The following ADGRV1 variants were observed in gnomAD, a reference collection of about 807,000 sequenced individuals.
ADGRV1 encodes adhesion G protein-coupled receptor V1, also known as G-protein coupled receptor 98.
In ADGRV1, 359 loss-of-function variants were observed where a neutral mutation model predicts 596.2. That is an observed-to-expected ratio of 0.60 (90% CI 0.55 to 0.66). ADGRV1 has a LOEUF of 0.66. ADGRV1 is among the 30% of genes least tolerant of loss of function. The probability of loss-of-function intolerance (pLI) is 0.00; values close to 1 mark genes in which losing one functional copy is unlikely to be tolerated. For missense variants in ADGRV1, 7,274 were observed against 7,575.6 expected (o/e 0.96, Z 1.48); for synonymous variants, 2,681 against 2,679.2 (o/e 1.00, Z -0.02).
intron 20 of ADGRV1, among the ~76,000 whole-genome samples, chr5:90,657,077 G>A (rs1739521983): frequency 6.6e-6 from 1 of 151,834 alleles, no homozygotes; most frequent in South Asian, 2.1e-4. Flanking sequence ...AACATATCAA[G>A]CCTTGAAGTT....
chr5:91,142,057 A>G (rs1795143737), intron 87 of ADGRV1, among the ~76,000 whole-genome samples: 1 of 152,238 alleles, frequency 6.6e-6, no homozygotes. Flanking sequence ...ATGTTGCAAC[A>G]GAAAGACTAA....
rs1248475462 is a variant in ADGRV1 at position 90,732,846 on chromosome 5, C to T, written c.10549+3082C>T. Among the ~76,000 whole-genome samples the T allele has an allele frequency of 2.0e-5, 3 of 152,186 alleles. No individual in the cohort carries two copies. The East Asian group carries it at 5.8e-4, about 29-fold the overall frequency. On this transcript the variant is annotated intron_variant, in intron 50 of 89. Transcript: ENST00000405460. ...AAAAACAGCATTATTATGAAAACAG[C>T]ATTATTTTCATTTTATTATGCAAAC...
chr5:91,031,854 A>C (rs990552865), intron 85 of ADGRV1, among the ~76,000 whole-genome samples: 1 of 152,246 alleles, frequency 6.6e-6, no homozygotes, highest in Admixed American at 6.5e-5. Flanking sequence ...CTTTTTAAAA[A>C]GTAAAGAGTA....
intron 27 of ADGRV1, 31 bp downstream of exon 27, chr5:90,681,485 C>T (rs770071772): frequency 5.7e-6 from 9 of 1,587,344 alleles, no homozygotes; most frequent in Middle Eastern, 1.7e-4. Context: ...CATTCCTAGA[C>T]ACTTTCTGTT....
chr5:90,815,191 T>A (rs1356298446), intron 74 of ADGRV1, among the ~76,000 whole-genome samples: 1 of 152,170 alleles, frequency 6.6e-6, no homozygotes, highest in Non-Finnish European at 1.5e-5. Context: ...TGACAAGTAT[T>A]TATTCAACAC....
intron 70 of ADGRV1, among the ~76,000 whole-genome samples, chr5:90,799,654 C>A (rs1230597886): frequency 6.6e-6 from 1 of 152,170 alleles, no homozygotes; most frequent in Non-Finnish European, 1.5e-5. Flanking sequence ...AAGCTGGAGG[C>A]ATCACACTAC....
intron 87 of ADGRV1, among the ~76,000 whole-genome samples, chr5:91,134,557 A>G (rs983559656): frequency 6.6e-6 from 1 of 152,198 alleles, no homozygotes; most frequent in Non-Finnish European, 1.5e-5. Flanking sequence ...GATCACAATC[A>G]TCCTTTTGCC....
chr5:90,828,137 T>G (rs1235693570), intron 76 of ADGRV1, among the ~76,000 whole-genome samples: 2 of 152,136 alleles, frequency 1.3e-5, no homozygotes, highest in East Asian at 3.8e-4. Flanking sequence ...ATAAATTATT[T>G]GAGACTGTTG....
intron 83 of ADGRV1, among the ~76,000 whole-genome samples, chr5:90,954,870 C>G (rs1777338813): frequency 1.3e-5 from 2 of 152,122 alleles, no homozygotes; most frequent in Admixed American, 6.6e-5. Flanking sequence ...TGCTATGTTT[C>G]TGATTTGCTT....
chr5:90,678,639 G>A (rs776364195), intron 25 of ADGRV1, among the ~76,000 whole-genome samples: 52 of 146,708 alleles, frequency 3.5e-4, no homozygotes, highest in South Asian at 6.8e-4. Flanking sequence ...ACATAATAAC[G>A]TAGTGGAAGG....
At chr5:90,774,347 A>T in intron 60 of ADGRV1, 44 bp downstream of exon 60, 1 of 1,100,626 alleles carries the variant, frequency 9.1e-7, no homozygotes, top group South Asian at 1.3e-5. Flanking sequence ...GTAAATTCTC[A>T]GAAAAAATGT....
intron 21 of ADGRV1, among the ~76,000 whole-genome samples, chr5:90,662,761 C>G (rs1770580536): frequency 1.3e-5 from 2 of 152,026 alleles, no homozygotes; most frequent in South Asian, 4.2e-4. Flanking sequence ...TCCCTTCCCC[C>G]TCCCCCCACC....
At chr5:90,985,746 C>T (rs748944429) in intron 85 of ADGRV1, among the ~76,000 whole-genome samples, 1 of 152,124 alleles carries the variant, frequency 6.6e-6, no homozygotes, top group Non-Finnish European at 1.5e-5. Context: ...TCAAACAGTT[C>T]ATGGTAATTT....
At chr5:90,580,957 A>C (rs1004675370) in intron 1 of ADGRV1, among the ~76,000 whole-genome samples, 1 of 151,664 alleles carries the variant, frequency 6.6e-6, no homozygotes, top group South Asian at 2.1e-4. Context: ...GTTTTATTTT[A>C]CTCTTTTTTC....
intron 85 of ADGRV1, among the ~76,000 whole-genome samples, chr5:91,036,764 G>A (rs1784950102): frequency 6.6e-6 from 1 of 152,010 alleles, no homozygotes; most frequent in Non-Finnish European, 1.5e-5. Context: ...AAGGAACTAT[G>A]TTAAAGTAGT....
Position 90,961,323 on chromosome 5 carries a change from A to G in ADGRV1, c.17857-4092A>G, listed in dbSNP as rs531436025. Among the ~76,000 whole-genome samples the G allele has an allele frequency of 1.9e-3, 293 of 152,066 alleles. 1 individual carries two copies. The highest frequency in any genetic ancestry group is 6.5e-3 in the African/African-American group (271 of 41,482). ...AGACCATCCTGGCTAACACGATGAA[A>G]ACCCGTCTCTACTAAAAATACAAAA... On this transcript the variant is annotated intron_variant, in intron 83 of 89. Transcript: ENST00000405460.
intron 70 of ADGRV1, among the ~76,000 whole-genome samples, chr5:90,796,628 A>G (rs1760749489): frequency 6.6e-6 from 1 of 152,178 alleles, no homozygotes; most frequent in Non-Finnish European, 1.5e-5. Flanking sequence ...GAGTACACCA[A>G]AAAGATACCC....
chr5:91,038,483 T>A lies in ADGRV1; in HGVS notation c.18153-33964T>A, dbSNP rs78289168. Among the ~76,000 whole-genome samples the A allele has an allele frequency of 9.2e-3, 1,406 of 152,258 alleles. 24 individuals carry two copies. Among genetic ancestry groups the A allele is most frequent in the African/African-American group, 0.032 (1,330 of 41,522 alleles). On this transcript the variant is annotated intron_variant, in intron 85 of 89. Coordinates refer to ENST00000405460, the MANE Select transcript of ADGRV1 (RefSeq NM_032119.4). Reference sequence around the variant, plus strand: ...GTGCTCTGGCTACAGACAGTGGCAGTGTAGATGAAGAGAAATGAATGGATT... The same window carrying A: ...GTGCTCTGGCTACAGACAGTGGCAGAGTAGATGAAGAGAAATGAATGGATT...
chr5:90,754,881 C>A, intron 54 of ADGRV1, 102 bp from the exon 55 acceptor site: 1 of 744,154 alleles, frequency 1.3e-6, no homozygotes, highest in South Asian at 2.0e-5. Flanking sequence ...TTTTCCTTAA[C>A]TGTCTACAAG....
Sources: allele counts gnomAD v4.1 joint callset (sites outside exome capture counted in the v4.1 genomes callset), GRCh38; gene constraint gnomAD v4.1.1; transcripts MANE v1.5; gene names NCBI Gene and HGNC (gene_info 2026-07-23, HGNC 2026-07-21).